The following CTNND2 variants were observed in gnomAD, a reference collection of about 807,000 sequenced individuals.
The protein encoded by CTNND2 is catenin delta 2, also known as catenin delta-2.
CTNND2 carries 22 observed loss-of-function variants against 144.4 expected under a neutral mutation model. The ratio of observed to expected loss-of-function variants is 0.15; its 90% CI spans 0.11 to 0.22. The LOEUF is 0.22. Ranked by LOEUF, CTNND2 falls within the 10% of genes least tolerant of loss-of-function variation. CTNND2 has a pLI of 1.00. For missense variants in CTNND2, 1,353 were observed against 1,618.8 expected (o/e 0.84, Z 2.82); for synonymous variants, 751 against 695.6 (o/e 1.08, Z -1.25).
rs61761641 is a variant in CTNND2 at position 11,811,331 on chromosome 5, C to T, written c.38-79059G>A. Among the ~76,000 whole-genome samples the T allele has an allele frequency of 6.4e-3, 980 of 152,248 alleles. 20 individuals are homozygous for T. Among genetic ancestry groups the T allele is most frequent in the African/African-American group, 0.022 (924 of 41,544 alleles). ...CTTGGGGACTTAAAACACCACCTCCCGTGCTCGGTATAATGGGATAGTGAA... is the reference window on the plus strand; with the variant it reads ...CTTGGGGACTTAAAACACCACCTCCTGTGCTCGGTATAATGGGATAGTGAA... On this transcript the variant is annotated intron_variant, in intron 1 of 21. Coordinates refer to ENST00000304623, the MANE Select transcript of CTNND2 (RefSeq NM_001332.4).
At chr5:11,248,501 C>T (rs975517495) in intron 9 of CTNND2, among the ~76,000 whole-genome samples, 1 of 152,070 alleles carries the variant, frequency 6.6e-6, no homozygotes, top group Admixed American at 6.5e-5. Flanking sequence ...ATATAATATA[C>T]ATGTTACAGG....
intron 3 of CTNND2, among the ~76,000 whole-genome samples, chr5:11,480,967 A>G (rs917402258): frequency 6.6e-6 from 1 of 152,186 alleles, no homozygotes; most frequent in East Asian, 1.9e-4. Flanking sequence ...GCTCCTATAT[A>G]CACTCATCGA....
chr5:11,564,109 A>T (rs182397276), intron 3 of CTNND2, among the ~76,000 whole-genome samples: 1 of 152,282 alleles, frequency 6.6e-6, no homozygotes, highest in East Asian at 1.9e-4. Flanking sequence ...TATGGAGAAG[A>T]AGTAGGCTTA....
At chr5:11,118,907 C>A (rs1753815799) in intron 12 of CTNND2, among the ~76,000 whole-genome samples, 1 of 152,100 alleles carries the variant, frequency 6.6e-6, no homozygotes, top group Admixed American at 6.6e-5. Flanking sequence ...GAGATCAAAC[C>A]CAGAGAGGAC....
chr5:11,236,237 T>G (rs1481868231), intron 10 of CTNND2, among the ~76,000 whole-genome samples: 1 of 152,244 alleles, frequency 6.6e-6, no homozygotes, highest in Non-Finnish European at 1.5e-5. Context: ...AAAGCCAATT[T>G]AGTGCCTAGA....
At chr5:11,470,980 A>ATTTTT (rs1171276873) in intron 3 of CTNND2, among the ~76,000 whole-genome samples, 7 of 91,514 alleles carry the variant, frequency 7.6e-5, no homozygotes, top group African/African-American at 4.0e-4. Context: ...ATATATATAT[A>ATTTTT]TTTTTTTTTT....
At chr5:11,223,456 C>A (rs987395798) in intron 10 of CTNND2, among the ~76,000 whole-genome samples, 5 of 152,188 alleles carry the variant, frequency 3.3e-5, no homozygotes, top group East Asian at 1.9e-4. Flanking sequence ...CTATTCCCAT[C>A]CTTAGGCCCC....
intron 2 of CTNND2, among the ~76,000 whole-genome samples, chr5:11,706,066 A>G (rs1785677478): frequency 6.6e-6 from 1 of 152,288 alleles, no homozygotes; most frequent in Admixed American, 6.5e-5. Flanking sequence ...CTTGAGCCAG[A>G]CAGTATCCCA....
intron 1 of CTNND2, among the ~76,000 whole-genome samples, chr5:11,775,259 G>A (rs1458089673): frequency 2.6e-5 from 4 of 152,134 alleles, no homozygotes; most frequent in Non-Finnish European, 5.9e-5. Context: ...AAGGACTTGG[G>A]CATTTGAATT....
At chr5:11,809,291 G>C (rs1018704462) in intron 1 of CTNND2, among the ~76,000 whole-genome samples, 1 of 152,124 alleles carries the variant, frequency 6.6e-6, no homozygotes, top group East Asian at 1.9e-4. Context: ...TAATAAAACA[G>C]GATATAAAAG....
At chr5:11,598,198 T>C (rs1414565413) in intron 2 of CTNND2, among the ~76,000 whole-genome samples, 1 of 152,208 alleles carries the variant, frequency 6.6e-6, no homozygotes, top group African/African-American at 2.4e-5. Context: ...TAGACAGACC[T>C]ATCTATAATC....
chr5:11,407,136 T>C (rs1318524055), intron 5 of CTNND2, among the ~76,000 whole-genome samples: 2 of 152,222 alleles, frequency 1.3e-5, no homozygotes, highest in African/African-American at 4.8e-5. Context: ...AAGAAAGTAC[T>C]TGGTCCTAGG....
intron 1 of CTNND2, among the ~76,000 whole-genome samples, chr5:11,864,078 A>G (rs1037242308): frequency 1.3e-5 from 2 of 152,114 alleles, no homozygotes; most frequent in African/African-American, 4.8e-5. Context: ...TGCTCAGGTC[A>G]GTGTGTCCAC....
chr5:11,583,589 T>C (rs1169324197), intron 2 of CTNND2, among the ~76,000 whole-genome samples: 2 of 152,194 alleles, frequency 1.3e-5, no homozygotes, highest in African/African-American at 4.8e-5. Flanking sequence ...ATGTCTAACA[T>C]GTAGGGCCCT....
At chr5:11,861,105 C>T (rs1795484215) in intron 1 of CTNND2, among the ~76,000 whole-genome samples, 1 of 152,148 alleles carries the variant, frequency 6.6e-6, no homozygotes, top group Admixed American at 6.5e-5. Flanking sequence ...TTCTGACATA[C>T]ATAAGTCCAT....
At chr5:11,374,710 T>C (rs903617303) in intron 7 of CTNND2, among the ~76,000 whole-genome samples, 5 of 150,872 alleles carry the variant, frequency 3.3e-5, no homozygotes, top group African/African-American at 1.2e-4. Flanking sequence ...CTTCCAGACC[T>C]CATTATTATG....
rs1735556549 is a variant in CTNND2 at position 11,876,215 on chromosome 5, G to A, written c.37+27602C>T. ...AAAAGAGGAGAGGAGGGAGGAGGCA[G>A]GAGGGAGGAGGCGGGAGGCAGCAGG... On this transcript the variant is annotated intron_variant, in intron 1 of 21. Transcript: ENST00000304623. 2.6e-5 allele frequency among the ~76,000 whole-genome samples: 4 copies of A among 151,504 alleles called. No homozygotes were observed. In the Admixed American group the frequency reaches 2.7e-4, roughly 10 times the overall value.
intron 2 of CTNND2, among the ~76,000 whole-genome samples, chr5:11,723,855 G>A (rs1352984723): frequency 3.3e-5 from 5 of 151,944 alleles, no homozygotes; most frequent in South Asian, 2.1e-4. Flanking sequence ...AGGAGATCGA[G>A]ACATTCCTGG....
At chr5:11,373,417 T>C (rs1455179828) in intron 7 of CTNND2, among the ~76,000 whole-genome samples, 1 of 152,128 alleles carries the variant, frequency 6.6e-6, no homozygotes, top group Admixed American at 6.5e-5. Context: ...TGGAACATTT[T>C]TGCTATGATT....
Sources: gnomAD v4.1 joint callset for allele counts (sites outside exome capture counted in the v4.1 genomes callset) on GRCh38, gnomAD v4.1.1 for gene constraint, MANE v1.5 for transcripts, NCBI Gene and HGNC (gene_info 2026-07-23, HGNC 2026-07-21) for gene names.